Variants in PCDHA7 observed in about 807,000 individuals in gnomAD.
PCDHA7 encodes protocadherin alpha 7, also known as protocadherin alpha-7.
Under a neutral mutation model 57.2 loss-of-function variants are expected in PCDHA7, and 37 were observed. The observed-to-expected ratio is 0.65, with a 90% CI of 0.50 to 0.85. The LOEUF (loss-of-function observed/expected upper bound fraction) is 0.85, where lower values mean the gene tolerates loss of function less well. Among genes scored for constraint, PCDHA7 ranks in the 40% least tolerant of loss-of-function variants. The probability of loss-of-function intolerance (pLI) is 0.00; values close to 1 mark genes in which losing one functional copy is unlikely to be tolerated. For missense variants in PCDHA7, 1,188 were observed against 1,241.8 expected (o/e 0.96, Z 0.65); for synonymous variants, 553 against 558.8 (o/e 0.99, Z 0.15).
Position 140,836,095 on chromosome 5 carries a change from G to T in PCDHA7, c.1712G>T (p.Gly571Val). ...CCGGCACTGCTGGCGCCTCGGGTGG[G>T]TGGCACTGGTGGCGCAGTGAGAGAG... Reference protein sequence around the residue: ...NAPALLAPRVGGTGGAVRELV... With the variant: ...NAPALLAPRVVGTGGAVRELV... The change falls in exon 1 of 4, where the codon GGT becomes GTT. Residue 571 changes from glycine (G) to valine (V), a missense_variant. Gly to Val is a moderately radical substitution (Grantham distance 109). Transcript: ENST00000525929. 2 of 1,613,694 alleles carry T rather than the reference G, an allele frequency of 1.2e-6. No homozygotes were observed. The highest frequency in any genetic ancestry group is 1.7e-6 in the Non-Finnish European group (2 of 1,179,784).
At chr5:140,854,631 G>T (rs373536386) in intron 1 of PCDHA7, 1 of 149,874 alleles carries the variant, frequency 6.7e-6, no homozygotes, top group African/African-American at 2.4e-5. Context: ...CTTTAGAAAA[G>T]TCAAAACATC....
rs892987704 is a variant in PCDHA7, at chr5:140,988,405, C to A, written c.2503+5842C>A. Among the ~76,000 whole-genome samples, 31 of 152,248 alleles carry A rather than the reference C, an allele frequency of 2.0e-4. No individual in the cohort carries two copies. In the East Asian group the frequency reaches 5.6e-3, roughly 28 times the overall value. The stretch of plus-strand genomic sequence containing the variant: ...ATTGTGTTTGCCAGAGTTCTCTTCG[C>A]AGCTTATGTAAAGAATTTGTTTGTT... On this transcript the variant is annotated intron_variant, in intron 3 of 3. Transcript: ENST00000525929.
At chr5:140,894,973 C>G (rs1297295605) in intron 1 of PCDHA7, among the ~76,000 whole-genome samples, 1 of 152,076 alleles carries the variant, frequency 6.6e-6, no homozygotes, top group Non-Finnish European at 1.5e-5. Context: ...TTTTTAATGT[C>G]TTACTTTGTG....
chr5:140,931,086 A>G (rs2087290662), intron 1 of PCDHA7, among the ~76,000 whole-genome samples: 1 of 152,204 alleles, frequency 6.6e-6, no homozygotes, highest in Non-Finnish European at 1.5e-5. Context: ...CCAGTTCTAC[A>G]GATGACAAAG....
intron 1 of PCDHA7, chr5:140,841,712 C>T (rs1444200684): frequency 9.9e-6 from 16 of 1,613,754 alleles, no homozygotes; most frequent in Non-Finnish European, 1.4e-5. Flanking sequence ...TGACAACCCG[C>T]CAGTGTTCCG....
chr5:140,887,236 A>G (rs575217506), intron 1 of PCDHA7, among the ~76,000 whole-genome samples: 53 of 151,920 alleles, frequency 3.5e-4, no homozygotes, highest in South Asian at 2.1e-3. Flanking sequence ...AGCTGAGACT[A>G]CCGGCGCCCG....
intron 3 of PCDHA7, among the ~76,000 whole-genome samples, chr5:140,996,245 G>A (rs2097718426): frequency 6.6e-6 from 1 of 152,220 alleles, no homozygotes; most frequent in South Asian, 2.1e-4. Context: ...AGGCTGAGAA[G>A]TGACAGCAAC....
chr5:140,837,386 T>C (rs1207161935), intron 1 of PCDHA7, among the ~76,000 whole-genome samples: 1 of 152,036 alleles, frequency 6.6e-6, no homozygotes, highest in Non-Finnish European at 1.5e-5. Context: ...ATTTTGTTCC[T>C]TGTTTGTATA....
rs1554168487 is a variant in PCDHA7 at position 140,876,335 on chromosome 5, G to A, written c.2355+39597G>A. ...GGGATCAAAATGATTTTGCCAGTGA[G>A]TGAGAAATGTATGTTTTCAATAAAT... On this transcript the variant is annotated intron_variant, in intron 1 of 3. Transcript: ENST00000525929. 3 of 1,614,034 alleles carry A rather than the reference G, an allele frequency of 1.9e-6. No individual in the cohort carries two copies. The highest frequency in any genetic ancestry group is 4.5e-5 in the East Asian group (2 of 44,894).
Position 140,835,863 on chromosome 5 carries a change from C to A in PCDHA7, c.1480C>A (p.Leu494Met), listed in dbSNP as rs1214782595. Residue 494 changes from leucine (L) to methionine (M), a missense_variant, in exon 1 of 4, where the codon CTG becomes ATG. Transcript: ENST00000525929. ...GAAGAACGCGCTGGTGTCCTACTCG[C>A]TGGTGGAGCTGCGGGTGGGCGAGCG... ...AQKNALVSYS[L>M]VELRVGERAL... is the part of the protein sequence containing the mutation. 2 of 1,611,982 alleles carry A rather than the reference C, an allele frequency of 1.2e-6. No homozygotes were observed. The highest frequency in any genetic ancestry group is 2.2e-5 in the East Asian group (1 of 44,838).
At chr5:140,886,461 A>G (rs1434440381) in intron 1 of PCDHA7, among the ~76,000 whole-genome samples, 2 of 152,116 alleles carry the variant, frequency 1.3e-5, no homozygotes, top group African/African-American at 2.4e-5. Context: ...TCATATATAA[A>G]TGTTTTTAAA....
At chr5:140,868,805 C>A in intron 1 of PCDHA7, 2 of 356,420 alleles carry the variant, frequency 5.6e-6, no homozygotes, top group Non-Finnish European at 5.0e-6. Context: ...TAAATAAGCA[C>A]GTTGGAAATA....
At chr5:140,856,715 G>A (rs1233191211) in intron 1 of PCDHA7, 4 of 1,596,328 alleles carry the variant, frequency 2.5e-6, no homozygotes, top group Admixed American at 1.7e-5. Context: ...TGAATTTACC[G>A]GATCTGTTTC....
intron 1 of PCDHA7, among the ~76,000 whole-genome samples, chr5:140,941,977 A>G (rs1247578104): frequency 6.6e-6 from 1 of 152,154 alleles, no homozygotes; most frequent in Admixed American, 6.5e-5. Context: ...CTTTCCCTAA[A>G]CCTTGATAAG....
intron 1 of PCDHA7, chr5:140,871,242 G>A: frequency 1.2e-6 from 2 of 1,613,980 alleles, no homozygotes; most frequent in Non-Finnish European, 8.5e-7. Flanking sequence ...TGGTACTCAC[G>A]CTGCTGCTGT....
At chr5:140,952,057 C>T (rs1214818651) in intron 1 of PCDHA7, among the ~76,000 whole-genome samples, 1 of 152,164 alleles carries the variant, frequency 6.6e-6, no homozygotes, top group Non-Finnish European at 1.5e-5. Flanking sequence ...AATCTTAAAG[C>T]TCCAAATAAT....
At chr5:140,966,755 C>A in intron 1 of PCDHA7, 1 of 1,434,520 alleles carries the variant, frequency 7.0e-7, no homozygotes, top group South Asian at 1.5e-5. Context: ...GCCTCCGCCG[C>A]GGCCAGTGGC....
chr5:140,882,596 G>C, intron 1 of PCDHA7: 1 of 1,614,248 alleles, frequency 6.2e-7, no homozygotes, highest in Non-Finnish European at 8.5e-7. Context: ...GGAGGTGATC[G>C]TGGACAGGCC....
intron 1 of PCDHA7, chr5:140,856,447 CG>C (rs782392908): frequency 2.5e-6 from 4 of 1,598,330 alleles, no homozygotes. Flanking sequence ...CCAGGTTCTC[CG>C]TAACAGAACA....
Sources: gnomAD v4.1 joint callset for allele counts (sites outside exome capture counted in the v4.1 genomes callset) on GRCh38, gnomAD v4.1.1 for gene constraint, MANE v1.5 for transcripts, NCBI Gene and HGNC (gene_info 2026-07-23, HGNC 2026-07-21) for gene names.